The following TTC28 variants were observed in gnomAD, a reference collection of about 807,000 sequenced individuals.
TTC28 encodes the protein tetratricopeptide repeat protein 28.
A neutral mutation model predicts 198.0 loss-of-function variants in TTC28; 61 were observed. The ratio of observed to expected loss-of-function variants is 0.31; its 90% confidence interval spans 0.25 to 0.38. TTC28 has a LOEUF of 0.38. Among genes scored for constraint, TTC28 ranks in the 10% least tolerant of loss-of-function variants. The probability of loss-of-function intolerance (pLI) is 1.00; values close to 1 mark genes in which losing one functional copy is unlikely to be tolerated. For missense variants in TTC28, 2,678 were observed against 3,164.0 expected (o/e 0.85, Z 3.69); for synonymous variants, 1,171 against 1,297.8 (o/e 0.90, Z 2.10).
At chr22:28,236,376 T>C (rs1375940407) in intron 5 of TTC28, among the ~76,000 whole-genome samples, 1 of 152,218 alleles carries the variant, frequency 6.6e-6, no homozygotes, top group Non-Finnish European at 1.5e-5. Flanking sequence ...ATGACCGATA[T>C]TATTATTGGT....
At chr22:28,605,396 A>G (rs2031515045) in intron 2 of TTC28, among the ~76,000 whole-genome samples, 1 of 152,206 alleles carries the variant, frequency 6.6e-6, no homozygotes, top group South Asian at 2.1e-4. Context: ...AAAAGTTACC[A>G]ATCAAACGGT....
intron 2 of TTC28, among the ~76,000 whole-genome samples, chr22:28,389,923 A>G (rs1601733190): frequency 1.3e-5 from 2 of 151,518 alleles, no homozygotes; most frequent in East Asian, 3.9e-4. Context: ...TAGTTCTTTT[A>G]ATTGTGATGT....
At chr22:28,015,016 T>G (rs550294600) in intron 13 of TTC28, among the ~76,000 whole-genome samples, 1 of 152,256 alleles carries the variant, frequency 6.6e-6, no homozygotes, top group Admixed American at 6.5e-5. Flanking sequence ...TGTTCCAATG[T>G]TTCCAGGCAT....
At chr22:28,136,459 T>A (rs1943201977) in intron 6 of TTC28, among the ~76,000 whole-genome samples, 1 of 152,184 alleles carries the variant, frequency 6.6e-6, no homozygotes, top group South Asian at 2.1e-4. Flanking sequence ...AAATGCTTAT[T>A]TTTGATTCTG....
At chr22:28,016,070 C>A (rs893968175) in intron 13 of TTC28, among the ~76,000 whole-genome samples, 7 of 152,150 alleles carry the variant, frequency 4.6e-5, no homozygotes, top group Admixed American at 6.5e-5. Flanking sequence ...TAGGGTCATG[C>A]CAAGCCAAGC....
intron 2 of TTC28, among the ~76,000 whole-genome samples, chr22:28,325,621 A>G (rs1024312541): frequency 1.6e-4 from 24 of 152,162 alleles, no homozygotes; most frequent in African/African-American, 5.1e-4. Context: ...CTTTATATAC[A>G]AAGAATTGTG....
At chr22:28,645,015 G>A (rs1323838417) in intron 1 of TTC28, among the ~76,000 whole-genome samples, 1 of 150,604 alleles carries the variant, frequency 6.6e-6, no homozygotes, top group Non-Finnish European at 1.5e-5. Flanking sequence ...CGTGGTGGCA[G>A]GCACCTGTAG....
chr22:28,533,548 GA>G (rs200742989), intron 2 of TTC28, among the ~76,000 whole-genome samples: 6 of 151,956 alleles, frequency 3.9e-5, no homozygotes, highest in Non-Finnish European at 8.8e-5. Flanking sequence ...CACAGAATTG[GA>G]AAAAAACTTC....
At chr22:28,390,973 C>G (rs1200147358) in intron 2 of TTC28, among the ~76,000 whole-genome samples, 1 of 152,172 alleles carries the variant, frequency 6.6e-6, no homozygotes, top group Non-Finnish European at 1.5e-5. Context: ...TTTGCAGCGG[C>G]TGGTATCAGT....
intron 5 of TTC28, among the ~76,000 whole-genome samples, chr22:28,164,418 C>A (rs1183330777): frequency 6.6e-6 from 1 of 152,198 alleles, no homozygotes; most frequent in African/African-American, 2.4e-5. Flanking sequence ...TGACACCTCA[C>A]ATGGCAGGGT....
intron 5 of TTC28, among the ~76,000 whole-genome samples, chr22:28,251,542 A>C (rs1930507662): frequency 6.6e-6 from 1 of 152,168 alleles, no homozygotes; most frequent in Admixed American, 6.6e-5. Context: ...TGGCTCTATC[A>C]CTGTTAGGAG....
chr22:28,320,369 A>T (rs1041886601), intron 2 of TTC28, among the ~76,000 whole-genome samples: 1 of 152,062 alleles, frequency 6.6e-6, no homozygotes, highest in Admixed American at 6.6e-5. Context: ...GGGACTGCAA[A>T]CTTCTTTCAT....
chr22:28,631,387 T>C (rs1197740599), intron 1 of TTC28, among the ~76,000 whole-genome samples: 1 of 152,218 alleles, frequency 6.6e-6, no homozygotes, highest in Non-Finnish European at 1.5e-5. Flanking sequence ...TATTCAGCTG[T>C]AACTATATTC....
At chr22:28,556,805 T>C (rs1412927307) in intron 2 of TTC28, among the ~76,000 whole-genome samples, 1 of 152,204 alleles carries the variant, frequency 6.6e-6, no homozygotes, top group Admixed American at 6.5e-5. Context: ...ACTTCCAAGG[T>C]AGCTCACTCA....
intron 2 of TTC28, among the ~76,000 whole-genome samples, chr22:28,325,444 A>G (rs1294182221): frequency 7.9e-5 from 12 of 152,118 alleles, no homozygotes; most frequent in Admixed American, 7.9e-4. Flanking sequence ...GAAAATTTTT[A>G]AAAATTAACA....
chr22:28,528,928 A>C (rs1209686827), intron 2 of TTC28, among the ~76,000 whole-genome samples: 2 of 152,204 alleles, frequency 1.3e-5, no homozygotes, highest in Non-Finnish European at 2.9e-5. Context: ...ACTATTTAGA[A>C]GACATAAAAG....
intron 5 of TTC28, among the ~76,000 whole-genome samples, chr22:28,226,836 T>TA (rs1928380029): frequency 6.6e-6 from 1 of 152,244 alleles, no homozygotes; most frequent in Non-Finnish European, 1.5e-5. Context: ...TTTACTTTTA[T>TA]TTCTCAATTA....
intron 2 of TTC28, among the ~76,000 whole-genome samples, chr22:28,442,342 C>T (rs796921111): frequency 1.3e-5 from 2 of 152,244 alleles, no homozygotes; most frequent in Non-Finnish European, 2.9e-5. Flanking sequence ...CAGCCCCAGG[C>T]GCTCAGGCAG....
intron 2 of TTC28, among the ~76,000 whole-genome samples, chr22:28,574,483 T>C (rs2050115097): frequency 6.6e-6 from 1 of 152,192 alleles, no homozygotes; most frequent in South Asian, 2.1e-4. Context: ...CTGCAATAAA[T>C]ACCGGAGTGC....
Sources: gnomAD v4.1 joint callset for allele counts (sites outside exome capture counted in the v4.1 genomes callset) on GRCh38, gnomAD v4.1.1 for gene constraint, MANE v1.5 for transcripts, NCBI Gene and HGNC (gene_info 2026-07-23, HGNC 2026-07-21) for gene names.